Variants in FBH1 observed in about 807,000 individuals in gnomAD.
FBH1 encodes the protein DNA 3'-5' helicase 1.
A neutral mutation model predicts 115.5 loss-of-function variants in FBH1; 43 were observed. The observed-to-expected ratio is 0.37, with a 90% CI of 0.29 to 0.48. The LOEUF is 0.48. Among genes scored for constraint, FBH1 ranks in the 20% least tolerant of loss-of-function variants. The pLI is 0.99. For synonymous variants in FBH1, 524 were observed against 507.8 expected, an observed-to-expected ratio of 1.03 and a Z score of -0.43; for missense variants, 1,001 against 1,337.3, an observed-to-expected ratio of 0.75 and a Z score of 3.92.
chr10:5,910,964 G>A lies in FBH1; in HGVS notation c.1047G>A (p.Ala349=), dbSNP rs138697938. The change falls in exon 6 of 21, where the codon GCG becomes GCA. Residue 349 remains alanine (A), a synonymous_variant. Transcript: ENST00000362091. The surrounding 1 kb of genome is among the most constrained non-coding windows in gnomAD (Gnocchi z 4.8). ...AGGVNIWALV[A]AVVLLSSSVN... Reference sequence around the variant, plus strand: ...GTGTCAACATCTGGGCCCTGGTGGCGGCTGTGGTGCTCCTCTCCAGCAGTG... The same window carrying A: ...GTGTCAACATCTGGGCCCTGGTGGCAGCTGTGGTGCTCCTCTCCAGCAGTG... The A allele has an allele frequency of 2.5e-5, 41 of 1,611,244 alleles. No homozygotes were observed. The highest frequency in any genetic ancestry group is 4.5e-5 in the East Asian group (2 of 44,878).
chr10:5,922,410 A>G (rs1046006775), intron 15 of FBH1, among the ~76,000 whole-genome samples: 6 of 152,230 alleles, frequency 3.9e-5, no homozygotes, highest in Non-Finnish European at 7.3e-5. Context: ...ACACATAGGC[A>G]TATTTTCTTT....
At chr10:5,890,220 T>C, upstream of FBH1, 1 of 350,352 alleles carries the variant, frequency 2.9e-6, no homozygotes, top group Non-Finnish European at 5.4e-6. Context: ...GCGGAGGAAG[T>C]CGGCGGGCGT....
At position 5,895,233 on chromosome 10, in the gene FBH1, A is replaced by G. The variant is rs901147646; in HGVS notation, c.1+4887A>G. On this transcript the variant is annotated intron_variant, in intron 1 of 20. Transcript: ENST00000362091. This position sits in a 1 kb window ranked among gnomAD's most constrained non-coding sequence, Gnocchi z 5.0. The stretch of plus-strand genomic sequence containing the variant: ...TGACCAGGGCGGTTAGCTGACTCCA[A>G]AATTGTCCAGATTAGCAAAACTGCC... 2.5e-6 allele frequency: 4 copies of G among 1,578,726 alleles called. No individual in the cohort carries two copies. Among genetic ancestry groups the G allele is most frequent in the East Asian group, 2.3e-5 (1 of 43,918 alleles).
rs932500667 is a variant in FBH1, at chr10:5,918,081, T to C, written c.1964-261T>C. Among the ~76,000 whole-genome samples the C allele has an allele frequency of 5.9e-5, 9 of 152,356 alleles. No homozygotes were observed. The highest frequency in any genetic ancestry group is 1.9e-4 in the African/African-American group (8 of 41,584). ...TATTAGAGAAGACACTGCCTCATTT[T>C]AGATTTGCCTGTGTTGTTTTCTTAT... On this transcript the variant is annotated intron_variant, in intron 12 of 20. Coordinates refer to ENST00000362091, the MANE Select transcript of FBH1 (RefSeq NM_178150.3). The surrounding 1 kb of genome is among the most constrained non-coding windows in gnomAD (Gnocchi z 4.0).
Position 5,914,397 on chromosome 10 carries a change from C to A in FBH1, c.1396+128C>A, listed in dbSNP as rs547713349. ...TCCAACTAATAATTCAATAACAGATCAAATAATCAATCTCAAAAGCAATTG... is the reference window on the plus strand; with the variant it reads ...TCCAACTAATAATTCAATAACAGATAAAATAATCAATCTCAAAAGCAATTG... On this transcript the variant is annotated intron_variant, in intron 8 of 20. Coordinates refer to ENST00000362091, the MANE Select transcript of FBH1 (RefSeq NM_178150.3). This position sits in a 1 kb window ranked among gnomAD's most constrained non-coding sequence, Gnocchi z 5.2. The A allele has an allele frequency of 2.6e-6, 2 of 766,146 alleles. No homozygotes were observed. The highest frequency in any genetic ancestry group is 1.8e-5 in the African/African-American group (1 of 56,860). The allele number at this position is 766,146 out of a possible 1,614,324, so 47.5% of individuals were successfully genotyped here.
chr10:5,918,470 C>T lies in FBH1; in HGVS notation c.2092C>T (p.Leu698Phe). The T allele has an allele frequency of 6.3e-7, 1 of 1,599,742 alleles. No homozygotes were observed. Among genetic ancestry groups the T allele is most frequent in the Non-Finnish European group, 8.5e-7 (1 of 1,175,484 alleles). ...AGTGCCCCACACCCACGTCTTCTAT[C>T]TCACGCAGGTAAGTGCGCACTCTGC... ...FTVPHTHVFY[L>F]TQSFRFGVEI... is the part of the protein sequence containing the mutation. Residue 698 changes from leucine (L) to phenylalanine (F), a missense_variant, in exon 13 of 21, where the codon CTC becomes TTC. By Grantham distance (22) the Leu-to-Phe change is conservative. Coordinates refer to ENST00000362091, the MANE Select transcript of FBH1 (RefSeq NM_178150.3). The surrounding 1 kb of genome is among the most constrained non-coding windows in gnomAD (Gnocchi z 4.0).
At chr10:5,899,301 T>C (rs1417053670) in intron 1 of FBH1, among the ~76,000 whole-genome samples, 3 of 152,178 alleles carry the variant, frequency 2.0e-5, no homozygotes, top group African/African-American at 7.2e-5. Context: ...CTTTGTGATT[T>C]TTTGTTTTGT....
chr10:5,903,401 G>T (rs1406950929), intron 2 of FBH1, among the ~76,000 whole-genome samples: 1 of 151,342 alleles, frequency 6.6e-6, no homozygotes, highest in African/African-American at 2.4e-5. Flanking sequence ...CGCAATCTCG[G>T]CTCACTGCAA....
chr10:5,902,817 A>C (rs1307469913), intron 1 of FBH1, among the ~76,000 whole-genome samples: 1 of 152,036 alleles, frequency 6.6e-6, no homozygotes, highest in Admixed American at 6.6e-5. Flanking sequence ...AATGTCACTT[A>C]GGATTCTTCA....
intron 1 of FBH1, among the ~76,000 whole-genome samples, chr10:5,898,130 G>T (rs770870919): frequency 6.6e-6 from 1 of 152,180 alleles, no homozygotes; most frequent in Non-Finnish European, 1.5e-5. Context: ...AACGTGTGCT[G>T]CCTCAGTCCA....
chr10:5,899,716 C>T (rs758513294), intron 1 of FBH1, among the ~76,000 whole-genome samples: 5 of 152,178 alleles, frequency 3.3e-5, no homozygotes, highest in East Asian at 1.9e-4. Context: ...GCCATGTTGC[C>T]GCTCTACCTG....
In FBH1 at chr10:5,918,218, G is replaced by A. The variant is rs182775043; in HGVS notation, c.1964-124G>A. 5.9e-6 allele frequency: 7 copies of A among 1,189,764 alleles called. No homozygotes were observed. The highest frequency in any genetic ancestry group is 8.3e-6 in the Non-Finnish European group (7 of 844,440). 73.7% of individuals were successfully genotyped at this position (1,189,764 alleles called of 1,614,324 possible). ...TTGATGGAGTGTGCCTGTCCTACAG[G>A]AAAAGGCGACCGTGAGGTCCAGTGT... On this transcript the variant is annotated intron_variant, in intron 12 of 20. Coordinates refer to ENST00000362091, the MANE Select transcript of FBH1 (RefSeq NM_178150.3). This position sits in a 1 kb window ranked among gnomAD's most constrained non-coding sequence, Gnocchi z 4.0.
At position 5,924,572 on chromosome 10, in the gene FBH1, CTT is replaced by C. The variant is rs59730206; in HGVS notation, c.2596+76_2596+77del. The C allele has an allele frequency of 5.6e-3, 6,778 of 1,219,896 alleles. No individual in the cohort carries two copies. The highest frequency in any genetic ancestry group is 6.1e-3 in the Non-Finnish European group (5,432 of 884,162). The allele number at this position is 1,219,896 out of a possible 1,614,324, so 75.6% of individuals were successfully genotyped here. A position where few individuals can be genotyped will look rare whatever the true frequency, so the allele number is the denominator to read the frequency against. On this transcript the variant is annotated intron_variant, in intron 17 of 20. Transcript: ENST00000362091. The surrounding 1 kb of genome is among the most constrained non-coding windows in gnomAD (Gnocchi z 6.2). Reference sequence around the variant, plus strand: ...GAGGAACAGATGGTCTTCTGCTGTTCTTTTTTTTTTTTTGAGACAGAGTATTG... The same window carrying C: ...GAGGAACAGATGGTCTTCTGCTGTTCTTTTTTTTTTTGAGACAGAGTATTG...
rs756393609 is a variant in FBH1, at chr10:5,925,627, A to G, written c.2722+135A>G. The stretch of plus-strand genomic sequence containing the variant: ...GGCACTTCTGGAAAAACTAAACCAC[A>G]AAACACCTCCTAGTCCTAAACTTTT... On this transcript the variant is annotated intron_variant, in intron 18 of 20. Coordinates refer to ENST00000362091, the MANE Select transcript of FBH1 (RefSeq NM_178150.3). This position sits in a 1 kb window ranked among gnomAD's most constrained non-coding sequence, Gnocchi z 4.6. The G allele has an allele frequency of 4.7e-6, 6 of 1,275,756 alleles. No homozygotes were observed. The highest frequency in any genetic ancestry group is 2.9e-5 in the South Asian group (2 of 69,178). 79.0% of individuals were successfully genotyped at this position (1,275,756 alleles called of 1,614,324 possible).
In FBH1 at chr10:5,921,072, T is replaced by C. The variant is rs1040305788; in HGVS notation, c.2101-186T>C. Among the ~76,000 whole-genome samples, 1 of 152,208 alleles carries C rather than the reference T, an allele frequency of 6.6e-6. No homozygotes were observed. Among genetic ancestry groups the C allele is most frequent in the Non-Finnish European group, 1.5e-5 (1 of 68,038 alleles). On this transcript the variant is annotated intron_variant, in intron 13 of 20. Transcript: ENST00000362091. This position sits in a 1 kb window ranked among gnomAD's most constrained non-coding sequence, Gnocchi z 6.4. ...AAAAATTTACTATTGGTGTTGAGAA[T>C]AATGGAAAATAAAGACTGCTGAGTT...
At chr10:5,893,843 G>A (rs1842865555) in intron 1 of FBH1, 1 of 263,172 alleles carries the variant, frequency 3.8e-6, no homozygotes, top group Admixed American at 6.5e-5. Flanking sequence ...ATGAATCTGG[G>A]ACATAGCAGA....
rs1181087591 is a variant in FBH1 at position 5,935,392 on chromosome 10, A to C, written c.2830-1064A>C. ...GAAGCGTAACATTCATGTAAATTAG[A>C]CATCTATAAAAGGAGACCTGTGTCC... On this transcript the variant is annotated intron_variant, in intron 19 of 20. Transcript: ENST00000362091. The surrounding 1 kb of genome is among the most constrained non-coding windows in gnomAD (Gnocchi z 5.2). 3 of 152,224 alleles carry C rather than the reference A, an allele frequency of 2.0e-5. No individual in the cohort carries two copies. Among genetic ancestry groups the C allele is most frequent in the Non-Finnish European group, 2.9e-5 (2 of 68,046 alleles). 9.4% of individuals were successfully genotyped at this position (152,224 alleles called of 1,614,324 possible). A position where few individuals can be genotyped will look rare whatever the true frequency, so the allele number is the denominator to read the frequency against.
At chr10:5,928,574 C>T (rs1445853557) in intron 19 of FBH1, 1 of 152,212 alleles carries the variant, frequency 6.6e-6, no homozygotes, top group Non-Finnish European at 1.5e-5. Context: ...AGAACACATC[C>T]TTGCCGGGGA....
chr10:5,910,032 A>T lies in FBH1; in HGVS notation c.1020+738A>T, dbSNP rs1305743875. On this transcript the variant is annotated intron_variant, in intron 5 of 20. Coordinates refer to ENST00000362091, the MANE Select transcript of FBH1 (RefSeq NM_178150.3). The surrounding 1 kb of genome is among the most constrained non-coding windows in gnomAD (Gnocchi z 4.8). ...CGTGGTGGCTCACGCCTGTTATCCC[A>T]GCACTTTGTGAGGCCAAGGCGGGTG... Among the ~76,000 whole-genome samples, 1 of 152,230 alleles carries T rather than the reference A, an allele frequency of 6.6e-6. No individual in the cohort carries two copies. The highest frequency in any genetic ancestry group is 1.9e-4 in the East Asian group (1 of 5,204).
Sources: gnomAD v4.1 joint callset for allele counts (sites outside exome capture counted in the v4.1 genomes callset) on GRCh38, gnomAD v4.1.1 for gene constraint, Gnocchi (gnomAD v3.1) non-coding constraint, MANE v1.5 for transcripts, NCBI Gene and HGNC (gene_info 2026-07-23, HGNC 2026-07-21) for gene names.